Variants in GABBR2 observed in about 807,000 individuals in gnomAD.
GABBR2 encodes the protein G-protein coupled receptor 51.
In GABBR2, 23 loss-of-function variants were observed where a neutral mutation model predicts 105.6. The ratio of observed to expected loss-of-function variants is 0.22; its 90% CI spans 0.16 to 0.31. The LOEUF is 0.31. Among genes scored for constraint, GABBR2 ranks in the 10% least tolerant of loss-of-function variants. The pLI, the probability that GABBR2 is intolerant of heterozygous loss-of-function variation, is 1.00. For missense variants in GABBR2, 734 were observed against 1,245.5 expected, an observed-to-expected ratio of 0.59 and a Z score of 6.18; for synonymous variants, 478 against 499.7, an observed-to-expected ratio of 0.96 and a Z score of 0.58.
chr9:98,540,237 C>G (rs1828266415), intron 3 of GABBR2, among the ~76,000 whole-genome samples: 2 of 152,194 alleles, frequency 1.3e-5, no homozygotes, highest in Admixed American at 6.5e-5. Flanking sequence ...TGGATACCCA[C>G]AGACAGTGGG....
chr9:98,496,549 T>G lies in GABBR2; in HGVS notation c.631-35A>C, dbSNP rs185780253. The stretch of plus-strand genomic sequence containing the variant: ...AAGAGAAAGCAGAGGGTGGGTGTGC[T>G]GGGGACCACAGGAAGGGCCAGTTCC... On this transcript the variant is annotated intron_variant, in intron 3 of 18. Transcript: ENST00000259455. The G allele has an allele frequency of 3.7e-4, 535 of 1,448,554 alleles. 2 individuals are homozygous for G. Among genetic ancestry groups the G allele is most frequent in the South Asian group, 1.1e-3 (98 of 87,578 alleles). The allele number at this position is 1,448,554 out of a possible 1,614,324, so 89.7% of individuals were successfully genotyped here. A position where few individuals can be genotyped will look rare whatever the true frequency, so the allele number is the denominator to read the frequency against.
At chr9:98,378,524 C>T (rs1289667790) in intron 11 of GABBR2, among the ~76,000 whole-genome samples, 1 of 152,210 alleles carries the variant, frequency 6.6e-6, no homozygotes, top group Non-Finnish European at 1.5e-5. Flanking sequence ...GAGACAAACA[C>T]AAAAATAAAG....
chr9:98,561,289 C>T (rs1828670689), intron 2 of GABBR2, among the ~76,000 whole-genome samples: 1 of 80,342 alleles, frequency 1.2e-5, no homozygotes, highest in Non-Finnish European at 2.4e-5. Context: ...CAAGCTCATT[C>T]CACTGAAAAA....
chr9:98,639,744 C>T (rs1829933800), intron 1 of GABBR2, among the ~76,000 whole-genome samples: 1 of 152,148 alleles, frequency 6.6e-6, no homozygotes, highest in African/African-American at 2.4e-5. Flanking sequence ...TGCTGGCTTG[C>T]AACTTGCAGT....
intron 1 of GABBR2, among the ~76,000 whole-genome samples, chr9:98,648,080 G>GGGGTGTGT (rs1554723461): frequency 1.5e-5 from 1 of 67,978 alleles, no homozygotes; most frequent in African/African-American, 6.4e-5. Context: ...AATCATACAG[G>GGGGTGTGT]GTGTGTGTGT....
intron 11 of GABBR2, among the ~76,000 whole-genome samples, chr9:98,376,631 G>A (rs1466768009): frequency 6.6e-6 from 1 of 152,136 alleles, no homozygotes; most frequent in East Asian, 1.9e-4. Context: ...GTCTTCTAGG[G>A]CAAGGGCGAC....
chr9:98,441,241 T>A (rs1461033657), intron 7 of GABBR2, among the ~76,000 whole-genome samples: 3 of 152,324 alleles, frequency 2.0e-5, no homozygotes, highest in Non-Finnish European at 4.4e-5. Context: ...TAAAAATACT[T>A]AAAAAATAAA....
intron 13 of GABBR2, among the ~76,000 whole-genome samples, chr9:98,311,630 A>G (rs1406945619): frequency 2.0e-5 from 3 of 152,174 alleles, no homozygotes; most frequent in African/African-American, 7.2e-5. Flanking sequence ...GAGATATAGG[A>G]TATACTGGCC....
intron 6 of GABBR2, among the ~76,000 whole-genome samples, chr9:98,462,422 A>G (rs1826442329): frequency 6.6e-6 from 1 of 152,200 alleles, no homozygotes; most frequent in Admixed American, 6.5e-5. Flanking sequence ...TCATATCCAG[A>G]ATCTAAAAAG....
chr9:98,477,796 G>C (rs1438452732), intron 5 of GABBR2, among the ~76,000 whole-genome samples: 2 of 152,198 alleles, frequency 1.3e-5, no homozygotes, highest in South Asian at 4.1e-4. Flanking sequence ...AACAATAATA[G>C]TAATAAACCC....
intron 7 of GABBR2, among the ~76,000 whole-genome samples, chr9:98,425,861 T>A (rs1021303564): frequency 6.6e-6 from 1 of 152,200 alleles, no homozygotes; most frequent in Non-Finnish European, 1.5e-5. Context: ...GTAGGCCTCC[T>A]CTGGCTTAGC....
chr9:98,295,027 A>G (rs1021231524), intron 17 of GABBR2, among the ~76,000 whole-genome samples: 19 of 152,206 alleles, frequency 1.2e-4, no homozygotes, highest in African/African-American at 4.6e-4. Context: ...TTTTTGCTCC[A>G]GTGGGCAACC....
chr9:98,465,533 G>C (rs1000757502), intron 6 of GABBR2, among the ~76,000 whole-genome samples: 3 of 152,222 alleles, frequency 2.0e-5, no homozygotes, highest in Non-Finnish European at 4.4e-5. Context: ...AGGACTTCCA[G>C]GTAGCTGAAG....
rs1417213223 is a variant in GABBR2, at chr9:98,376,501, T to C, written c.1663-4930A>G. ...TTTACTTCATTCTGACTGCTCATCCTAGGTGCTCAATAGTGAGAAGGAGGG... is the reference window on the plus strand; with the variant it reads ...TTTACTTCATTCTGACTGCTCATCCCAGGTGCTCAATAGTGAGAAGGAGGG... On this transcript the variant is annotated intron_variant, in intron 11 of 18. Coordinates refer to ENST00000259455, the MANE Select transcript of GABBR2 (RefSeq NM_005458.8). Among the ~76,000 whole-genome samples the C allele has an allele frequency of 2.6e-5, 4 of 152,148 alleles. No homozygotes were observed. In the East Asian group the frequency reaches 7.7e-4, roughly 29 times the overall value.
At chr9:98,329,303 G>T (rs1406729936) in intron 13 of GABBR2, among the ~76,000 whole-genome samples, 3 of 152,200 alleles carry the variant, frequency 2.0e-5, no homozygotes, top group Non-Finnish European at 2.9e-5. Context: ...TCTATGCCTT[G>T]GTTTCCCCAT....
At chr9:98,581,458 CAAGA>C (rs1303855717) in intron 1 of GABBR2, among the ~76,000 whole-genome samples, 1 of 119,084 alleles carries the variant, frequency 8.4e-6, no homozygotes, top group Non-Finnish European at 1.7e-5. Context: ...TTTATTTCCC[CAAGA>C]AAGAAAGAGA....
intron 12 of GABBR2, among the ~76,000 whole-genome samples, chr9:98,364,041 G>A (rs546796715): frequency 1.3e-5 from 2 of 152,220 alleles, no homozygotes; most frequent in East Asian, 3.9e-4. Context: ...ATAAAAACCC[G>A]AGGGGCCTTT....
At chr9:98,489,106 A>C (rs889603765) in intron 4 of GABBR2, among the ~76,000 whole-genome samples, 1 of 152,252 alleles carries the variant, frequency 6.6e-6, no homozygotes, top group African/African-American at 2.4e-5. Flanking sequence ...ACGTTGTGGT[A>C]AATGAATGTG....
At position 98,699,226 on chromosome 9, in the gene GABBR2, C is replaced by T. The variant is rs1054835762; in HGVS notation, c.321+9191G>A. Among the ~76,000 whole-genome samples the T allele has an allele frequency of 4.6e-5, 7 of 152,016 alleles. No homozygotes were observed. The South Asian group carries it at 8.3e-4, about 18-fold the overall frequency. ...TAAAACCATAATGCTTCTCAGAAGC[C>T]GGAAAGTATTTATTTCCTAGGTTTT... On this transcript the variant is annotated intron_variant, in intron 1 of 18. Transcript: ENST00000259455.
Sources: gnomAD v4.1 joint callset for allele counts (sites outside exome capture counted in the v4.1 genomes callset) on GRCh38, gnomAD v4.1.1 for gene constraint, MANE v1.5 for transcripts, NCBI Gene and HGNC (gene_info 2026-07-23, HGNC 2026-07-21) for gene names.